EPS15: variants seen among roughly 807,000 people sequenced by gnomAD.
EPS15 encodes the protein epidermal growth factor receptor substrate 15.
EPS15 carries 72 observed loss-of-function variants against 113.8 expected under a neutral mutation model. The observed-to-expected ratio is 0.63, with a 90% CI of 0.52 to 0.77. EPS15 has a LOEUF of 0.77. Ranked by LOEUF, EPS15 falls within the 30% of genes least tolerant of loss-of-function variation. The pLI is 0.00. For missense variants in EPS15, 1,048 were observed against 1,045.8 expected (o/e 1.00, Z -0.03); for synonymous variants, 344 against 363.4 (o/e 0.95, Z 0.61).
At position 51,378,893 on chromosome 1, in the gene EPS15, C is replaced by T. The variant is rs563538030; in HGVS notation, c.2120-12864G>A. 3.3e-5 allele frequency among the ~76,000 whole-genome samples: 5 copies of T among 152,046 alleles called. No homozygotes were observed. In the South Asian group the frequency reaches 6.2e-4, roughly 19 times the overall value. On this transcript the variant is annotated intron_variant, in intron 21 of 24. Coordinates refer to ENST00000371733, the MANE Select transcript of EPS15 (RefSeq NM_001981.3). ...GACACCCCCACACTAATCTTTATAC[C>T]GGAAAGAAAGAGGCAGAGAGCTTAT... is the stretch of plus-strand genomic sequence containing the variant.
intron 2 of EPS15, 129 bp downstream of exon 2, chr1:51,481,144 T>A (rs2148522803): frequency 3.0e-6 from 2 of 677,076 alleles, no homozygotes; most frequent in East Asian, 5.5e-5. Context: ...AAGTGGAGGC[T>A]GTAAACAAGA....
At position 51,504,598 on chromosome 1, in the gene EPS15, GAATAT is replaced by G. The variant is rs377046917; in HGVS notation, c.33+14596_33+14600del. On this transcript the variant is annotated intron_variant, in intron 1 of 24. Transcript: ENST00000371733. ...ACAACTCAATTTTAAAACAGGCAAAGAATATAAATAGACATTTCTCTAAAGAAGAC... is the reference window on the plus strand; with the variant it reads ...ACAACTCAATTTTAAAACAGGCAAAGAAATAGACATTTCTCTAAAGAAGAC... 7.8e-3 allele frequency among the ~76,000 whole-genome samples: 1,191 copies of G among 151,910 alleles called. 18 individuals are homozygous for G. The highest frequency in any genetic ancestry group is 0.028 in the African/African-American group (1,155 of 41,408).
intron 13 of EPS15, among the ~76,000 whole-genome samples, chr1:51,415,281 G>T (rs1650101331): frequency 6.6e-6 from 1 of 152,048 alleles, no homozygotes; most frequent in Admixed American, 6.6e-5. Context: ...CTCTCCCAAA[G>T]AGCAAACACA....
chr1:51,502,073 C>T (rs1457468403), intron 1 of EPS15, among the ~76,000 whole-genome samples: 2 of 151,756 alleles, frequency 1.3e-5, no homozygotes, highest in South Asian at 4.2e-4. Flanking sequence ...TTTGAGACCA[C>T]CCTGGGCAAC....
intron 12 of EPS15, among the ~76,000 whole-genome samples, chr1:51,427,184 A>C (rs1570279291): frequency 6.6e-6 from 1 of 152,328 alleles, no homozygotes; most frequent in South Asian, 2.1e-4. Flanking sequence ...AAACACCAAC[A>C]AACTCTTTAT....
intron 21 of EPS15, chr1:51,372,317 T>A (rs1181084535): frequency 1.9e-6 from 1 of 526,334 alleles, no homozygotes; most frequent in African/African-American, 1.9e-5. Context: ...TGCTGCTCAG[T>A]GTGGTGGATC....
chr1:51,440,767 CT>C (rs1266247465), intron 11 of EPS15, among the ~76,000 whole-genome samples: 1 of 151,994 alleles, frequency 6.6e-6, no homozygotes, highest in Non-Finnish European at 1.5e-5. Flanking sequence ...AAACTAATTC[CT>C]CCACTGAAGT....
intron 13 of EPS15, 50 bp from the exon 14 acceptor site, chr1:51,409,746 G>T: frequency 7.8e-7 from 1 of 1,276,024 alleles, no homozygotes. Context: ...GGCAGGGGAG[G>T]GTTAAGTTAG....
chr1:51,399,235 G>A, intron 19 of EPS15, 70 bp from the exon 20 acceptor site: 1 of 1,433,518 alleles, frequency 7.0e-7, no homozygotes. Context: ...TCACTTGAAG[G>A]TATGATCAGT....
At chr1:51,391,215 C>CA (rs987622484) in intron 21 of EPS15, among the ~76,000 whole-genome samples, 7 of 151,708 alleles carry the variant, frequency 4.6e-5, no homozygotes, top group African/African-American at 1.7e-4. Context: ...ATCACAAGGA[C>CA]AAAAAACCAA....
At chr1:51,361,587 G>GT (rs369533381) in intron 23 of EPS15, among the ~76,000 whole-genome samples, 16 of 152,234 alleles carry the variant, frequency 1.1e-4, no homozygotes, top group African/African-American at 3.9e-4. Context: ...AAATAGCAAA[G>GT]TAAGGATGGG....
intron 12 of EPS15, among the ~76,000 whole-genome samples, chr1:51,434,450 G>A (rs1470314837): frequency 1.3e-5 from 2 of 152,106 alleles, no homozygotes; most frequent in Admixed American, 1.3e-4. Context: ...GTCATAAAAA[G>A]ACAAATATCT....
At chr1:51,464,225 C>T (rs1654681336) in intron 6 of EPS15, among the ~76,000 whole-genome samples, 1 of 145,308 alleles carries the variant, frequency 6.9e-6, no homozygotes, top group South Asian at 2.2e-4. Flanking sequence ...GTATGAGGTG[C>T]AGTTCAAATA....
intron 10 of EPS15, among the ~76,000 whole-genome samples, chr1:51,445,602 G>A (rs1652975153): frequency 6.6e-6 from 1 of 150,726 alleles, no homozygotes; most frequent in Admixed American, 6.6e-5. Flanking sequence ...CACTTGAAGA[G>A]AAACTGCAAA....
At chr1:51,397,937 A>C (rs1648122236) in intron 20 of EPS15, among the ~76,000 whole-genome samples, 1 of 152,232 alleles carries the variant, frequency 6.6e-6, no homozygotes, top group South Asian at 2.1e-4. Context: ...AGCAAAACCA[A>C]AAACCTGCAA....
chr1:51,374,422 G>C (rs1646735264), intron 21 of EPS15, among the ~76,000 whole-genome samples: 1 of 152,136 alleles, frequency 6.6e-6, no homozygotes, highest in South Asian at 2.1e-4. Flanking sequence ...TTCGAGACCA[G>C]CCTGGCCAAC....
chr1:51,519,023 C>T (rs1377412216), intron 1 of EPS15, among the ~76,000 whole-genome samples, 176 bp downstream of exon 1: 1 of 151,288 alleles, frequency 6.6e-6, no homozygotes, highest in African/African-American at 2.4e-5. Context: ...GGGGCTCCGG[C>T]TCCGGAGGGC....
intron 13 of EPS15, among the ~76,000 whole-genome samples, chr1:51,419,720 T>C (rs976649633): frequency 6.6e-6 from 1 of 152,050 alleles, no homozygotes; most frequent in African/African-American, 2.4e-5. Context: ...GTATTGAGAG[T>C]TGGAGTTATT....
intron 21 of EPS15, among the ~76,000 whole-genome samples, chr1:51,385,364 T>C (rs1474112628): frequency 6.6e-6 from 1 of 152,138 alleles, no homozygotes; most frequent in East Asian, 1.9e-4. Flanking sequence ...AGCAATAAGA[T>C]ACCACTTCAC....
Sources: allele counts gnomAD v4.1 joint callset (sites outside exome capture counted in the v4.1 genomes callset), GRCh38; gene constraint gnomAD v4.1.1; transcripts MANE v1.5; gene names NCBI Gene and HGNC (gene_info 2026-07-23, HGNC 2026-07-21).